Variants in DACH2 observed in about 807,000 individuals in gnomAD.
The protein encoded by DACH2 is dachshund homolog 2.
DACH2 carries 17 observed loss-of-function variants against 35.8 expected under a neutral mutation model. That is an observed-to-expected ratio of 0.48 (90% CI 0.33 to 0.71). DACH2 has a LOEUF of 0.71. Ranked by LOEUF, DACH2 falls within the 30% of genes least tolerant of loss-of-function variation. The pLI is 0.02. For synonymous variants in DACH2, 195 were observed against 177.3 expected (o/e 1.10, Z -0.79); for missense variants, 469 against 472.7 (o/e 0.99, Z 0.07).
intron 7 of DACH2, among the ~76,000 whole-genome samples, chrX:86,805,723 G>T (rs1033942503): frequency 1.8e-5 from 2 of 111,587 alleles, no homozygotes; most frequent in African/African-American, 6.5e-5. Context: ...TTGCTTTTTA[G>T]AAATTTCTTC....
chrX:86,180,175 CGTATATAT>C lies in DACH2; in HGVS notation c.488+31068_488+31075del, dbSNP rs1475969880. Among the ~76,000 whole-genome samples, 84 of 15,594 alleles carry C rather than the reference CGTATATAT, an allele frequency of 5.4e-3. 2 individuals carry two copies. The highest frequency in any genetic ancestry group is 0.019 in the African/African-American group (79 of 4,171). 13.5% of individuals were successfully genotyped at this position (15,594 alleles called of 115,157 possible). On this transcript the variant is annotated intron_variant, in intron 1 of 11. Coordinates refer to ENST00000373125, the MANE Select transcript of DACH2 (RefSeq NM_053281.3). ...ATGTCCCCTAGCAACCATGCTAAACCGTATATATATATATATATATATATATATATATG... is the reference window on the plus strand; with the variant it reads ...ATGTCCCCTAGCAACCATGCTAAACCATATATATATATATATATATATATG...
intron 7 of DACH2, among the ~76,000 whole-genome samples, chrX:86,790,411 C>A (rs1172106294): frequency 8.9e-6 from 1 of 111,940 alleles, no homozygotes; most frequent in Non-Finnish European, 1.9e-5. Flanking sequence ...ATTTAAAATT[C>A]TGTTTTTCTA....
intron 2 of DACH2, among the ~76,000 whole-genome samples, chrX:86,400,004 A>T (rs1216882470): frequency 9.0e-6 from 1 of 111,445 alleles, no homozygotes; most frequent in Admixed American, 9.5e-5. Context: ...TCTCCCTGTC[A>T]CTTTCAGGTA....
At chrX:86,373,684 A>G (rs2035923594) in intron 1 of DACH2, among the ~76,000 whole-genome samples, 1 of 111,058 alleles carries the variant, frequency 9.0e-6, no homozygotes, top group Non-Finnish European at 1.9e-5. Context: ...GTGGTTAACC[A>G]AAGCAGTTCA....
intron 2 of DACH2, among the ~76,000 whole-genome samples, chrX:86,431,586 G>A (rs756301230): frequency 2.7e-5 from 3 of 111,376 alleles, no homozygotes; most frequent in East Asian, 2.8e-4. Flanking sequence ...GCATGTGTCC[G>A]AATGGCATAC....
chrX:86,186,658 A>T (rs1276211885), intron 1 of DACH2, among the ~76,000 whole-genome samples: 1 of 111,869 alleles, frequency 8.9e-6, no homozygotes, highest in Non-Finnish European at 1.9e-5. Flanking sequence ...GGATTTAATT[A>T]TGCAAAATGC....
At chrX:86,813,446 C>CAAAA (rs1182157047) in intron 9 of DACH2, among the ~76,000 whole-genome samples, 169 bp downstream of exon 9, 2 of 75,630 alleles carry the variant, frequency 2.6e-5, no homozygotes, top group African/African-American at 9.5e-5. Context: ...ACTAAAAATA[C>CAAAA]AAAAAAAAAA....
chrX:86,175,007 T>G (rs992675706), intron 1 of DACH2, among the ~76,000 whole-genome samples: 10 of 111,853 alleles, frequency 8.9e-5, no homozygotes, highest in Non-Finnish European at 1.7e-4. Context: ...TAAGTAGAGA[T>G]GTAGAGTAGG....
At chrX:86,178,022 T>A (rs906271510) in intron 1 of DACH2, among the ~76,000 whole-genome samples, 4 of 111,775 alleles carry the variant, frequency 3.6e-5, no homozygotes, top group African/African-American at 6.5e-5. Context: ...TCATCCTTCC[T>A]GATATTTGAA....
At chrX:86,214,862 G>A (rs2032532514) in intron 1 of DACH2, among the ~76,000 whole-genome samples, 1 of 111,523 alleles carries the variant, frequency 9.0e-6, no homozygotes, top group African/African-American at 3.3e-5. Flanking sequence ...TCATGTACAA[G>A]ATAAAGGGAG....
intron 2 of DACH2, among the ~76,000 whole-genome samples, chrX:86,397,338 A>C (rs953310203): frequency 1.8e-5 from 2 of 111,736 alleles, no homozygotes; most frequent in Non-Finnish European, 3.8e-5. Context: ...ATCTGCAAAC[A>C]GGGACAATTT....
intron 1 of DACH2, among the ~76,000 whole-genome samples, chrX:86,166,462 T>C (rs910820126): frequency 3.6e-5 from 4 of 111,755 alleles, no homozygotes; most frequent in Non-Finnish European, 7.6e-5. Context: ...ACAACTTTCT[T>C]GTGGAGTCTT....
chrX:86,611,081 G>T (rs1602699263), intron 3 of DACH2, among the ~76,000 whole-genome samples: 1 of 110,916 alleles, frequency 9.0e-6, no homozygotes, highest in Admixed American at 9.6e-5. Flanking sequence ...GTACTACCTT[G>T]GTATCACTGC....
intron 1 of DACH2, among the ~76,000 whole-genome samples, chrX:86,158,542 T>A (rs1467160823): frequency 9.0e-6 from 1 of 110,539 alleles, no homozygotes; most frequent in Admixed American, 9.8e-5. Context: ...TGTGTGTGTG[T>A]GTGTGTCTAT....
chrX:86,429,385 A>G (rs2036945924), intron 2 of DACH2, among the ~76,000 whole-genome samples: 1 of 111,213 alleles, frequency 9.0e-6, no homozygotes, highest in Admixed American at 9.6e-5. Context: ...TGATTTTGAT[A>G]TGGGAAAAGA....
intron 5 of DACH2, among the ~76,000 whole-genome samples, chrX:86,701,891 G>T (rs1294150600): frequency 2.7e-5 from 3 of 111,181 alleles, no homozygotes; most frequent in Non-Finnish European, 5.7e-5. Context: ...GGAGGGAGAT[G>T]ATCAGAAAAA....
chrX:86,527,861 G>A (rs1294950135), intron 3 of DACH2, among the ~76,000 whole-genome samples: 1 of 111,897 alleles, frequency 8.9e-6, no homozygotes, highest in Non-Finnish European at 1.9e-5. Flanking sequence ...TCCAGTCTTA[G>A]AAATATATTT....
At position 86,276,222 on chromosome X, in the gene DACH2, A is replaced by G. The variant is rs547461235; in HGVS notation, c.489-100602A>G. On this transcript the variant is annotated intron_variant, in intron 1 of 11. Transcript: ENST00000373125. ...ATTGCCTGTCTTTTGGATATAAGCC[A>G]TTTGAACTAGGGTGAGATGATAGAT... 7.1e-5 allele frequency among the ~76,000 whole-genome samples: 8 copies of G among 111,983 alleles called. No individual in the cohort carries two copies. The South Asian group carries it at 2.2e-3, about 31-fold the overall frequency.
At chrX:86,306,398 A>G (rs1022741755) in intron 1 of DACH2, among the ~76,000 whole-genome samples, 1 of 111,966 alleles carries the variant, frequency 8.9e-6, no homozygotes, top group Non-Finnish European at 1.9e-5. Flanking sequence ...AAATAAGTTG[A>G]TGTCTGTGAT....
Sources: allele counts gnomAD v4.1 joint callset (sites outside exome capture counted in the v4.1 genomes callset), GRCh38; gene constraint gnomAD v4.1.1; transcripts MANE v1.5; gene names NCBI Gene and HGNC (gene_info 2026-07-23, HGNC 2026-07-21).